Variants in HIVEP3 observed in about 807,000 individuals in gnomAD.
HIVEP3 encodes HIVEP zinc finger 3.
HIVEP3 carries 49 observed loss-of-function variants against 152.8 expected under a neutral mutation model. That is an observed-to-expected ratio of 0.32 (90% confidence interval 0.26 to 0.41). HIVEP3 has a LOEUF of 0.41. Among genes scored for constraint, HIVEP3 ranks in the 10% least tolerant of loss-of-function variants. HIVEP3 has a pLI of 1.00. For missense variants in HIVEP3, 2,790 were observed against 3,103.3 expected (o/e 0.90, Z 2.40); for synonymous variants, 1,269 against 1,289.0 (o/e 0.98, Z 0.33).
At chr1:41,788,939 T>C (rs775983719) in intron 1 of HIVEP3, among the ~76,000 whole-genome samples, 1 of 152,206 alleles carries the variant, frequency 6.6e-6, no homozygotes, top group Non-Finnish European at 1.5e-5. Context: ...TTTCTATCTG[T>C]GGTTCTTCCC....
intron 5 of HIVEP3, chr1:41,542,870 A>T (rs941157571): frequency 2.6e-5 from 4 of 152,840 alleles, no homozygotes; most frequent in African/African-American, 9.6e-5. Flanking sequence ...GGGATGCAGG[A>T]TCATGGTCCA....
At chr1:42,008,888 G>A (rs1188053239) in intron 1 of HIVEP3, among the ~76,000 whole-genome samples, 5 of 152,184 alleles carry the variant, frequency 3.3e-5, no homozygotes, top group Non-Finnish European at 2.9e-5. Context: ...GAATAGACAC[G>A]TTAAAATTTG....
rs371531691 is a variant in HIVEP3, at chr1:41,584,335, C to T, written c.463G>A (p.Glu155Lys). ...LPSHASIIPPEDLPGVPKVFV... is the reference protein window; with the variant it reads ...LPSHASIIPPKDLPGVPKVFV... ...ACTTTGGGGACTCCAGGAAGGTCCT[C>T]GGGGGGAATGATGGAAGCGTGGGAA... Residue 155 changes from glutamate to lysine, a missense_variant, in exon 4 of 9, where the codon GAG becomes AAG. Physicochemically the swap from Glu to Lys is moderately conservative, Grantham distance 56 (BLOSUM62 1). Transcript: ENST00000372583. This position sits in a 1 kb window ranked among gnomAD's most constrained non-coding sequence, Gnocchi z 5.2. The T allele has an allele frequency of 1.3e-5, 21 of 1,613,424 alleles. No homozygotes were observed. Among genetic ancestry groups the T allele is most frequent in the South Asian group, 1.2e-4 (11 of 91,036 alleles).
At chr1:42,006,287 C>T (rs1357218844) in intron 1 of HIVEP3, among the ~76,000 whole-genome samples, 3 of 151,852 alleles carry the variant, frequency 2.0e-5, no homozygotes, top group Non-Finnish European at 2.9e-5. Flanking sequence ...GAGACAGGGA[C>T]GAGAGGAACC....
At chr1:41,877,396 T>C (rs1570720643) in intron 1 of HIVEP3, among the ~76,000 whole-genome samples, 2 of 152,222 alleles carry the variant, frequency 1.3e-5, no homozygotes, top group East Asian at 3.8e-4. Flanking sequence ...CCATTCTTCC[T>C]CATAGCCTTT....
At chr1:41,970,112 TTG>T (rs1437477508) in intron 1 of HIVEP3, among the ~76,000 whole-genome samples, 1 of 152,210 alleles carries the variant, frequency 6.6e-6, no homozygotes, top group Non-Finnish European at 1.5e-5. Context: ...AGTTCAACCA[TTG>T]TGGAAGACAG....
At chr1:41,640,505 T>C (rs557709540) in intron 2 of HIVEP3, among the ~76,000 whole-genome samples, 4 of 152,072 alleles carry the variant, frequency 2.6e-5, no homozygotes, top group Non-Finnish European at 5.9e-5. Context: ...GACAAGACAC[T>C]CTCCATCACT....
intron 5 of HIVEP3, among the ~76,000 whole-genome samples, chr1:41,574,422 C>G (rs1023190281): frequency 6.6e-6 from 1 of 152,160 alleles, no homozygotes; most frequent in Admixed American, 6.5e-5. Flanking sequence ...ATTTGCTACC[C>G]CTGGCCCCCT....
At chr1:41,986,324 A>G (rs1645322274) in intron 1 of HIVEP3, among the ~76,000 whole-genome samples, 1 of 152,204 alleles carries the variant, frequency 6.6e-6, no homozygotes, top group Non-Finnish European at 1.5e-5. Flanking sequence ...CCAAAACATT[A>G]TCATATTCAT....
intron 3 of HIVEP3, among the ~76,000 whole-genome samples, chr1:41,599,825 T>C (rs1644720286): frequency 6.6e-6 from 1 of 152,104 alleles, no homozygotes; most frequent in Non-Finnish European, 1.5e-5. Context: ...AAATCATATA[T>C]CTGATAAGGG....
Position 41,526,198 on chromosome 1 carries a change from G to T in HIVEP3, c.5208-1288C>A, listed in dbSNP as rs148670884. ...AGAGGGGACTTGAGGGAGAGAGCCCGCTGGCAGCAACAGAACCACCACCAC... is the reference window on the plus strand; with the variant it reads ...AGAGGGGACTTGAGGGAGAGAGCCCTCTGGCAGCAACAGAACCACCACCAC... On this transcript the variant is annotated intron_variant, in intron 5 of 8. Transcript: ENST00000372583. Among the ~76,000 whole-genome samples, 222 of 151,838 alleles carry T rather than the reference G, an allele frequency of 1.5e-3. 1 individual carries two copies. The highest frequency in any genetic ancestry group is 5.1e-3 in the African/African-American group (209 of 41,338).
At chr1:41,881,945 T>C (rs2124427905) in intron 1 of HIVEP3, among the ~76,000 whole-genome samples, 1 of 152,264 alleles carries the variant, frequency 6.6e-6, no homozygotes, top group East Asian at 1.9e-4. Flanking sequence ...AAACAAAAAC[T>C]TGAAAATATA....
intron 1 of HIVEP3, among the ~76,000 whole-genome samples, chr1:42,025,432 T>C (rs112138289): frequency 9.2e-5 from 14 of 152,382 alleles, no homozygotes; most frequent in African/African-American, 3.1e-4. Flanking sequence ...GGTACTTTTA[T>C]TTCTATGAAC....
chr1:41,631,969 C>G (rs529849776), intron 2 of HIVEP3, among the ~76,000 whole-genome samples: 1 of 152,172 alleles, frequency 6.6e-6, no homozygotes, highest in Non-Finnish European at 1.5e-5. Context: ...CCTCTGCAAT[C>G]GTGCCCACCT....
At chr1:41,837,096 A>G (rs1326778213) in intron 1 of HIVEP3, among the ~76,000 whole-genome samples, 2 of 152,060 alleles carry the variant, frequency 1.3e-5, no homozygotes, top group Non-Finnish European at 2.9e-5. Context: ...TTCCCGCCCA[A>G]TGGCCTTCAT....
At chr1:41,925,194 C>T (rs1419239042) in intron 1 of HIVEP3, among the ~76,000 whole-genome samples, 3 of 152,158 alleles carry the variant, frequency 2.0e-5, no homozygotes. Context: ...CTATACGTGG[C>T]TTGCAAAGCC....
chr1:41,511,259 G>A lies in HIVEP3; in HGVS notation c.6413C>T (p.Ala2138Val). 3.1e-6 allele frequency: 5 copies of A among 1,601,526 alleles called. No homozygotes were observed. Among genetic ancestry groups the A allele is most frequent in the Non-Finnish European group, 4.3e-6 (5 of 1,173,096 alleles). The part of the protein sequence containing the change: ...PETCASPWQK[A>V]ESRSPSCSPG... ...TGAGCAGGAGGGACTTCGGGACTCGGCCTTCTGCTGGGGTCAGAAAACAAG... is the reference window on the plus strand; with the variant it reads ...TGAGCAGGAGGGACTTCGGGACTCGACCTTCTGCTGGGGTCAGAAAACAAG... Residue 2138 changes from alanine to valine, a missense_variant, in exon 9 of 9, where the codon GCC becomes GTC. Physicochemically the swap from Ala to Val is moderately conservative, Grantham distance 64. This residue lies in a region of HIVEP3 where 816 missense variants were observed against 806.5 expected (regional missense o/e 1.01). Coordinates refer to ENST00000372583, the MANE Select transcript of HIVEP3 (RefSeq NM_024503.5). The surrounding 1 kb of genome is among the most constrained non-coding windows in gnomAD (Gnocchi z 4.9).
At chr1:41,926,059 G>A (rs1644966725) in intron 1 of HIVEP3, among the ~76,000 whole-genome samples, 1 of 152,082 alleles carries the variant, frequency 6.6e-6, no homozygotes, top group Non-Finnish European at 1.5e-5. Context: ...GTGGTGCAGA[G>A]CAACGAGATA....
At chr1:41,642,723 C>T (rs1333417059) in intron 2 of HIVEP3, among the ~76,000 whole-genome samples, 1 of 152,192 alleles carries the variant, frequency 6.6e-6, no homozygotes, top group Non-Finnish European at 1.5e-5. Context: ...ACTGAATTCT[C>T]TCAATTTACT....
Sources: allele counts gnomAD v4.1 joint callset (sites outside exome capture counted in the v4.1 genomes callset), GRCh38; gene constraint gnomAD v4.1.1; regional missense constraint gnomAD v4.1.1; non-coding constraint Gnocchi (gnomAD v3.1); transcripts MANE v1.5; gene names NCBI Gene and HGNC (gene_info 2026-07-23, HGNC 2026-07-21).